The following RPS6KA2 variants were observed in gnomAD, a reference collection of about 807,000 sequenced individuals.
RPS6KA2 encodes ribosomal protein S6 kinase A2.
A neutral mutation model predicts 91.8 loss-of-function variants in RPS6KA2; 42 were observed. The observed-to-expected ratio is 0.46, with a 90% CI of 0.36 to 0.59. The LOEUF is 0.59. Among genes scored for constraint, RPS6KA2 ranks in the 20% least tolerant of loss-of-function variants. The pLI is 0.00. For synonymous variants in RPS6KA2, 414 were observed against 393.6 expected (o/e 1.05, Z -0.61); for missense variants, 798 against 978.5 (o/e 0.82, Z 2.46).
At chr6:166,644,840 T>C (rs1455321899) in intron 2 of RPS6KA2, among the ~76,000 whole-genome samples, 2 of 152,216 alleles carry the variant, frequency 1.3e-5, no homozygotes, top group Non-Finnish European at 2.9e-5. Context: ...AGGGTGGCTC[T>C]AAATCCAATA....
intron 11 of RPS6KA2, among the ~76,000 whole-genome samples, chr6:166,468,756 C>T (rs754951428): frequency 6.7e-6 from 1 of 149,712 alleles, no homozygotes; most frequent in Admixed American, 6.7e-5. Flanking sequence ...CCCAGCTATT[C>T]GGGAGGCTGA....
intron 2 of RPS6KA2, among the ~76,000 whole-genome samples, chr6:166,699,461 T>A (rs1417120588): frequency 1.3e-5 from 2 of 152,350 alleles, no homozygotes; most frequent in African/African-American, 2.4e-5. Flanking sequence ...ATTGATATGA[T>A]CTTCAGAAAA....
At position 166,737,300 on chromosome 6, in the gene RPS6KA2, G is replaced by A. The variant is rs56118197; in HGVS notation, c.123+120900C>T. On this transcript the variant is annotated intron_variant, in intron 2 of 21. Transcript: ENST00000503859. The surrounding 1 kb of genome is among the most constrained non-coding windows in gnomAD (Gnocchi z 4.3). ...TATTGGCGTCTCTCCCTAATAAATC[G>A]TGTGGCTGCCATGACCCTTCACCCC... 6.6e-6 allele frequency among the ~76,000 whole-genome samples: 1 copy of A among 152,058 alleles called. No individual in the cohort carries two copies. Among genetic ancestry groups the A allele is most frequent in the Non-Finnish European group, 1.5e-5 (1 of 68,026 alleles).
chr6:166,817,209 T>C (rs1048204556), intron 2 of RPS6KA2, among the ~76,000 whole-genome samples: 9 of 152,068 alleles, frequency 5.9e-5, no homozygotes, highest in African/African-American at 1.9e-4. Context: ...TGCTCCCCCC[T>C]TAGCACCATG....
In RPS6KA2 at chr6:166,563,023, A is replaced by C. The variant is rs1784389038; in HGVS notation, c.100-24239T>G. On this transcript the variant is annotated intron_variant, in intron 1 of 20. Coordinates refer to ENST00000265678, the MANE Select transcript of RPS6KA2 (RefSeq NM_021135.6). This position sits in a 1 kb window ranked among gnomAD's most constrained non-coding sequence, Gnocchi z 4.1. ...GGAACAGCGCAAAAGGTAACATCCAAGTCACAACAGGAGTCCAGAGGGTCC... is the reference window on the plus strand; with the variant it reads ...GGAACAGCGCAAAAGGTAACATCCACGTCACAACAGGAGTCCAGAGGGTCC... 6.6e-6 allele frequency among the ~76,000 whole-genome samples: 1 copy of C among 152,216 alleles called. No homozygotes were observed. Among genetic ancestry groups the C allele is most frequent in the African/African-American group, 2.4e-5 (1 of 41,464 alleles).
Position 166,533,378 on chromosome 6 carries a change from C to T in RPS6KA2, c.217-2065G>A, listed in dbSNP as rs1469376448. On this transcript the variant is annotated intron_variant, in intron 2 of 20. Coordinates refer to ENST00000265678, the MANE Select transcript of RPS6KA2 (RefSeq NM_021135.6). This position sits in a 1 kb window ranked among gnomAD's most constrained non-coding sequence, Gnocchi z 4.0. ...CAGGAGCTGGGCAAGGCTGCGTGAG[C>T]GTCCCGGTGCCGGAGAGGCCGCACT... Among the ~76,000 whole-genome samples the T allele has an allele frequency of 6.6e-6, 1 of 152,224 alleles. No individual in the cohort carries two copies. Among genetic ancestry groups the T allele is most frequent in the Non-Finnish European group, 1.5e-5 (1 of 68,042 alleles).
intron 1 of RPS6KA2, among the ~76,000 whole-genome samples, chr6:166,582,142 A>T (rs893812800): frequency 2.3e-4 from 34 of 149,588 alleles, no homozygotes; most frequent in African/African-American, 8.5e-4. Context: ...ATGGGGTGGG[A>T]CGCCCACTGG....
intron 2 of RPS6KA2, among the ~76,000 whole-genome samples, chr6:166,808,271 C>T (rs1285548345): frequency 1.3e-5 from 2 of 152,226 alleles, no homozygotes; most frequent in Admixed American, 1.3e-4. Flanking sequence ...CCTACCCCTA[C>T]CTTTTCTTGC....
Position 166,488,919 on chromosome 6 carries a change from G to A in RPS6KA2, c.821C>T (p.Ala274Val). The A allele has an allele frequency of 1.2e-6, 2 of 1,612,674 alleles. No homozygotes were observed. The highest frequency in any genetic ancestry group is 1.7e-6 in the Non-Finnish European group (2 of 1,179,218). The change falls in exon 10 of 21, where the codon GCC becomes GTC. Residue 274 changes from alanine (A) to valine (V), a missense_variant and splice_region_variant. Transcript: ENST00000265678. ...GAGGAACTGCGGCATCCCCAGCTTGGCTCTGAAAAACAAGATCCTATTTTA... is the reference window on the plus strand; with the variant it reads ...GAGGAACTGCGGCATCCCCAGCTTGACTCTGAAAAACAAGATCCTATTTTA... ...RKETMALILK[A>V]KLGMPQFLSG... is the part of the protein sequence containing the mutation.
chr6:166,529,655 A>G (rs143478535), intron 3 of RPS6KA2, among the ~76,000 whole-genome samples: 68 of 152,304 alleles, frequency 4.5e-4, no homozygotes, highest in African/African-American at 1.6e-3. Flanking sequence ...CCTACAATAA[A>G]CTAGAATGTC....
chr6:166,450,573 CCATGAGGACCAA>C (rs1463708182), intron 13 of RPS6KA2, among the ~76,000 whole-genome samples: 9 of 150,532 alleles, frequency 6.0e-5, no homozygotes, highest in African/African-American at 2.0e-4. Context: ...CAAGGGACCA[CCATGAGGACCAA>C]CACAGGAGGC....
rs775416011 is a variant in RPS6KA2 at position 166,459,552 on chromosome 6, C to T, written c.973-1G>A. 1.2e-6 allele frequency: 2 copies of T among 1,610,788 alleles called. No individual in the cohort carries two copies. Among genetic ancestry groups the T allele is most frequent in the South Asian group, 2.2e-5 (2 of 90,866 alleles). On this transcript the variant is annotated splice_acceptor_variant, in intron 11 of 20. Transcript: ENST00000265678. LOFTEE classifies it high-confidence loss of function. The surrounding 1 kb of genome is among the most constrained non-coding windows in gnomAD (Gnocchi z 4.9). ...GCTTGATCTCCTTCCGGTACAGCGT[C>T]TATTAATACAAGGAAAGCAAGACAG...
intron 2 of RPS6KA2, among the ~76,000 whole-genome samples, chr6:166,796,464 C>A (rs1779226785): frequency 3.3e-5 from 5 of 152,186 alleles, no homozygotes; most frequent in Admixed American, 3.3e-4. Context: ...TGGCACGCAC[C>A]TGTAATCCCA....
chr6:166,458,107 C>T (rs904252733), intron 12 of RPS6KA2, among the ~76,000 whole-genome samples: 1 of 152,154 alleles, frequency 6.6e-6, no homozygotes, highest in Non-Finnish European at 1.5e-5. Flanking sequence ...GGCCCTACCC[C>T]CAAGTGTAAC....
rs749887375 is a variant in RPS6KA2, at chr6:166,726,857, C to A, written c.123+131343G>T. ...GACGGGTCTCAGGGAGTGTGTCTGG[C>A]GGGTGGGGAGGAATCCCAGGCCTGG... On this transcript the variant is annotated intron_variant, in intron 2 of 21. Transcript: ENST00000503859. The surrounding 1 kb of genome is among the most constrained non-coding windows in gnomAD (Gnocchi z 4.4). Among the ~76,000 whole-genome samples the A allele has an allele frequency of 6.6e-6, 1 of 152,058 alleles. No individual in the cohort carries two copies. Among genetic ancestry groups the A allele is most frequent in the Non-Finnish European group, 1.5e-5 (1 of 67,990 alleles).
At chr6:166,748,190 G>A (rs1265864649) in intron 2 of RPS6KA2, among the ~76,000 whole-genome samples, 2 of 152,198 alleles carry the variant, frequency 1.3e-5, no homozygotes, top group African/African-American at 4.8e-5. Flanking sequence ...AACCGTAGAG[G>A]AAGCTGGTCA....
At chr6:166,702,956 CA>C (rs1251903930) in intron 2 of RPS6KA2, 1 of 585,938 alleles carries the variant, frequency 1.7e-6, no homozygotes, top group African/African-American at 1.9e-5. Flanking sequence ...TTAAAATACA[CA>C]AACACAGTAA....
Position 166,533,121 on chromosome 6 carries a change from C to G in RPS6KA2, c.217-1808G>C, listed in dbSNP as rs1783349900. 6.6e-6 allele frequency among the ~76,000 whole-genome samples: 1 copy of G among 152,216 alleles called. No individual in the cohort carries two copies. The highest frequency in any genetic ancestry group is 1.5e-5 in the Non-Finnish European group (1 of 68,046). The stretch of plus-strand genomic sequence containing the variant: ...AGATGTGAAGGCAGTGGTCTGAGGA[C>G]AGGATTTTTACAGAGAGAAAAACAT... On this transcript the variant is annotated intron_variant, in intron 2 of 20. Transcript: ENST00000265678. The surrounding 1 kb of genome is among the most constrained non-coding windows in gnomAD (Gnocchi z 4.0).
At chr6:166,803,799 C>T (rs550177389) in intron 2 of RPS6KA2, among the ~76,000 whole-genome samples, 1 of 152,292 alleles carries the variant, frequency 6.6e-6, no homozygotes, top group East Asian at 1.9e-4. Context: ...AAAATTGCCT[C>T]TTAGATATTC....
Sources: allele counts gnomAD v4.1 joint callset (sites outside exome capture counted in the v4.1 genomes callset), GRCh38; gene constraint gnomAD v4.1.1; non-coding constraint Gnocchi (gnomAD v3.1); transcripts MANE v1.5; gene names NCBI Gene and HGNC (gene_info 2026-07-23, HGNC 2026-07-21).